Variants in ST18 observed in about 807,000 individuals in gnomAD.
ST18 encodes the protein ST18 C2H2C-type zinc finger transcription factor.
Under a neutral mutation model 110.0 loss-of-function variants are expected in ST18, and 50 were observed. The ratio of observed to expected loss-of-function variants is 0.45; its 90% CI spans 0.36 to 0.58. The LOEUF (loss-of-function observed/expected upper bound fraction) is 0.58. Ranked by LOEUF, ST18 falls within the 20% of genes least tolerant of loss-of-function variation. The pLI, the probability that ST18 is intolerant of heterozygous loss-of-function variation, is 0.00. For missense variants in ST18, 1,306 were observed against 1,280.1 expected, an observed-to-expected ratio of 1.02 and a Z score of -0.31; for synonymous variants, 461 against 452.4, an observed-to-expected ratio of 1.02 and a Z score of -0.24.
chr8:52,186,408 G>A (rs1285372154), intron 8 of ST18, among the ~76,000 whole-genome samples: 2 of 152,124 alleles, frequency 1.3e-5, no homozygotes, highest in Non-Finnish European at 1.5e-5. Flanking sequence ...TGAAAAGACC[G>A]ACAAACCCCA....
intron 2 of ST18, among the ~76,000 whole-genome samples, chr8:52,238,953 C>T (rs1320719016): frequency 6.6e-6 from 1 of 151,878 alleles, no homozygotes; most frequent in African/African-American, 2.4e-5. Context: ...CAGACTTCAC[C>T]ACTGTGCAAT....
intron 19 of ST18, among the ~76,000 whole-genome samples, chr8:52,134,522 C>T (rs2131644158): frequency 6.6e-6 from 1 of 152,218 alleles, no homozygotes; most frequent in African/African-American, 2.4e-5. Flanking sequence ...GTTTACTATC[C>T]CTTTCCTTAC....
intron 2 of ST18, among the ~76,000 whole-genome samples, chr8:52,305,590 C>T (rs2095799472): frequency 6.6e-6 from 1 of 152,232 alleles, no homozygotes; most frequent in Admixed American, 6.5e-5. Flanking sequence ...TTCTCTTTCA[C>T]CACAGCTGTC....
intron 2 of ST18, among the ~76,000 whole-genome samples, chr8:52,378,927 A>G (rs1306010769): frequency 2.0e-5 from 3 of 152,202 alleles, no homozygotes; most frequent in Admixed American, 2.0e-4. Flanking sequence ...AACCACAGTC[A>G]TTATGAGCTG....
intron 8 of ST18, among the ~76,000 whole-genome samples, chr8:52,207,422 G>T (rs1328975240): frequency 7.2e-5 from 11 of 152,212 alleles, no homozygotes; most frequent in Admixed American, 6.5e-4. Flanking sequence ...AGCCCAGGAG[G>T]TTGAGGCTCC....
intron 16 of ST18, among the ~76,000 whole-genome samples, chr8:52,148,705 G>C (rs1428739853): frequency 6.6e-6 from 1 of 150,440 alleles, no homozygotes; most frequent in Non-Finnish European, 1.5e-5. Flanking sequence ...AGGGGAGGAG[G>C]GGAGGGGAGG....
intron 2 of ST18, among the ~76,000 whole-genome samples, chr8:52,316,378 A>G (rs1030403356): frequency 6.6e-6 from 1 of 152,222 alleles, no homozygotes; most frequent in Non-Finnish European, 1.5e-5. Flanking sequence ...CCCAGCAGCA[A>G]TGAGAGTGCT....
Position 52,224,922 on chromosome 8 carries a change from T to C in ST18, c.-418-3129A>G, listed in dbSNP as rs527732871. Reference sequence around the variant, plus strand: ...AGTTTGCCCAGCTTTTTGAAATCTCTGCCTTATAGAACCTTTCAAAGAATT... The same window carrying C: ...AGTTTGCCCAGCTTTTTGAAATCTCCGCCTTATAGAACCTTTCAAAGAATT... On this transcript the variant is annotated intron_variant, in intron 3 of 25. Transcript: ENST00000689386. Among the ~76,000 whole-genome samples the C allele has an allele frequency of 1.5e-4, 23 of 152,362 alleles. No individual in the cohort carries two copies. In the South Asian group the frequency reaches 4.6e-3, roughly 30 times the overall value.
At chr8:52,260,210 T>C (rs890971641) in intron 2 of ST18, among the ~76,000 whole-genome samples, 2 of 152,240 alleles carry the variant, frequency 1.3e-5, no homozygotes, top group African/African-American at 2.4e-5. Context: ...GGTGTATCTA[T>C]GTATATTTCT....
chr8:52,260,965 A>C (rs978252529), intron 2 of ST18, among the ~76,000 whole-genome samples: 1 of 152,208 alleles, frequency 6.6e-6, no homozygotes, highest in African/African-American at 2.4e-5. Flanking sequence ...TGTCTTCATG[A>C]CTGAATAGTT....
intron 15 of ST18, among the ~76,000 whole-genome samples, chr8:52,153,194 A>T (rs528033473): frequency 6.6e-6 from 1 of 152,268 alleles, no homozygotes; most frequent in South Asian, 2.1e-4. Context: ...CTTAAATGTT[A>T]TCTTGTGAAA....
intron 2 of ST18, among the ~76,000 whole-genome samples, chr8:52,278,105 A>C (rs916836831): frequency 2.0e-5 from 3 of 152,180 alleles, no homozygotes; most frequent in African/African-American, 7.2e-5. Context: ...ATGACTCTGA[A>C]AGCTATACAT....
chr8:52,330,466 T>A (rs924725298), intron 2 of ST18, among the ~76,000 whole-genome samples: 3 of 152,192 alleles, frequency 2.0e-5, no homozygotes, highest in Non-Finnish European at 4.4e-5. Context: ...CGATAGCAAA[T>A]GTCCCTTTTC....
intron 17 of ST18, chr8:52,137,738 C>T (rs1395503667): frequency 2.3e-6 from 1 of 425,688 alleles, no homozygotes; most frequent in Non-Finnish European, 4.2e-6. Flanking sequence ...TATTTGATTC[C>T]ATTGATGTGG....
intron 8 of ST18, among the ~76,000 whole-genome samples, chr8:52,197,493 A>C (rs1343516362): frequency 6.6e-6 from 1 of 152,188 alleles, no homozygotes; most frequent in East Asian, 1.9e-4. Flanking sequence ...CCCCAGAAGC[A>C]CTCAAACCAG....
intron 8 of ST18, among the ~76,000 whole-genome samples, chr8:52,183,436 G>A (rs1358791528): frequency 6.6e-6 from 1 of 152,240 alleles, no homozygotes; most frequent in Non-Finnish European, 1.5e-5. Flanking sequence ...AACTGTGTGA[G>A]TGTAGGATGA....
intron 7 of ST18, 110 bp downstream of exon 7, chr8:52,214,093 C>G (rs1231249639): frequency 6.9e-6 from 8 of 1,167,798 alleles, no homozygotes; most frequent in Non-Finnish European, 1.0e-5. Flanking sequence ...AAAAAAGAAG[C>G]CCTGAGGAAG....
chr8:52,201,987 G>A (rs767940575), intron 8 of ST18, among the ~76,000 whole-genome samples: 16 of 152,276 alleles, frequency 1.1e-4, no homozygotes, highest in South Asian at 2.1e-4. Flanking sequence ...AATTAGAAAC[G>A]ATTAAACAGA....
chr8:52,381,024 A>G (rs781487808), intron 2 of ST18, among the ~76,000 whole-genome samples: 3 of 152,168 alleles, frequency 2.0e-5, no homozygotes, highest in Non-Finnish European at 4.4e-5. Flanking sequence ...GTGTTAAGAG[A>G]AGAGGCAGGT....
Sources: gnomAD v4.1 joint callset for allele counts (sites outside exome capture counted in the v4.1 genomes callset) on GRCh38, gnomAD v4.1.1 for gene constraint, MANE v1.5 for transcripts, NCBI Gene and HGNC (gene_info 2026-07-23, HGNC 2026-07-21) for gene names.